Variants in TVP23C observed in about 807,000 individuals in gnomAD.
TVP23C encodes the protein trans-golgi network vesicle protein 23 homolog C, also known as Golgi apparatus membrane protein TVP23 homolog C.
A neutral mutation model predicts 28.7 loss-of-function variants in TVP23C; 19 were observed. That is an observed-to-expected ratio of 0.66 (90% confidence interval 0.46 to 0.97). The LOEUF is 0.97. TVP23C is among the 50% of genes least tolerant of loss of function. TVP23C has a pLI of 0.00. For synonymous variants in TVP23C, 68 were observed against 81.7 expected, an observed-to-expected ratio of 0.83 and a Z score of 0.90; for missense variants, 186 against 241.3, an observed-to-expected ratio of 0.77 and a Z score of 1.52.
chr17:15,521,667 A>G (rs1982486408), intron 5 of TVP23C, among the ~76,000 whole-genome samples: 1 of 152,250 alleles, frequency 6.6e-6, no homozygotes, highest in African/African-American at 2.4e-5. Flanking sequence ...ATTAATGTGA[A>G]AAGGACAGAT....
At chr17:15,556,602 G>A (rs1486207888) in intron 1 of TVP23C, among the ~76,000 whole-genome samples, 4 of 151,880 alleles carry the variant, frequency 2.6e-5, no homozygotes, top group Non-Finnish European at 4.4e-5. Flanking sequence ...TGATCCACCC[G>A]CCTCGGCCTC....
rs1172062695 is a variant in TVP23C at position 15,539,681 on chromosome 17, T to A, written c.*731A>T. The A allele has an allele frequency of 3.0e-6, 3 of 985,028 alleles. No homozygotes were observed. The highest frequency in any genetic ancestry group is 3.6e-6 in the Non-Finnish European group (3 of 829,874). 61.0% of individuals were successfully genotyped at this position (985,028 alleles called of 1,614,324 possible). On this transcript the variant is annotated 3_prime_UTR_variant, in exon 6 of 6. Coordinates refer to ENST00000518321, the MANE Select transcript of TVP23C (RefSeq NM_001135036.2). ...ATTATTTACCTATGACTACTACTCA[T>A]CCTGCTGAAAACCCTGATGTTGAGG...
At chr17:15,502,636 T>C in exon 6 of TVP23C, 1 of 704,348 alleles carries the variant, frequency 1.4e-6, no homozygotes, top group Non-Finnish European at 2.1e-6. Context: ...AGCGGACGCT[T>C]GCAGGGACCA....
At chr17:15,505,543 T>C (rs1301506556) in intron 5 of TVP23C, among the ~76,000 whole-genome samples, 1 of 152,130 alleles carries the variant, frequency 6.6e-6, no homozygotes, top group Non-Finnish European at 1.5e-5. Flanking sequence ...CTGGCAGTCC[T>C]CAGAGCCCCG....
At chr17:15,503,919 G>T (rs1245662187) in intron 5 of TVP23C, among the ~76,000 whole-genome samples, 1 of 152,100 alleles carries the variant, frequency 6.6e-6, no homozygotes, top group Non-Finnish European at 1.5e-5. Flanking sequence ...GGAATGGAAG[G>T]GCTGGGAAGG....
intron 5 of TVP23C, among the ~76,000 whole-genome samples, chr17:15,525,704 G>A (rs1378888641): frequency 6.6e-6 from 1 of 152,210 alleles, no homozygotes; most frequent in Non-Finnish European, 1.5e-5. Context: ...ATGCACGCGT[G>A]TGCATGCGCC....
At position 15,540,064 on chromosome 17, in the gene TVP23C, G is replaced by A; in HGVS notation, c.*348C>T. On this transcript the variant is annotated 3_prime_UTR_variant, in exon 6 of 6. Coordinates refer to ENST00000518321, the MANE Select transcript of TVP23C (RefSeq NM_001135036.2). ...GCCGAGATTGCACCACTGCACTCCA[G>A]CCTGGGCGACAGAGCAAAACTCTGT... The A allele has an allele frequency of 9.1e-7, 1 of 1,104,496 alleles. No individual in the cohort carries two copies. The highest frequency in any genetic ancestry group is 1.1e-6 in the Non-Finnish European group (1 of 902,398). The allele number at this position is 1,104,496 out of a possible 1,614,324, so 68.4% of individuals were successfully genotyped here.
intron 1 of TVP23C, among the ~76,000 whole-genome samples, chr17:15,559,269 G>C (rs1984270393): frequency 7.2e-6 from 1 of 138,466 alleles, no homozygotes; most frequent in East Asian, 2.1e-4. Flanking sequence ...AGTAAATACT[G>C]AGTGCCTACC....
At chr17:15,548,942 A>G (rs1344328215) in intron 3 of TVP23C, among the ~76,000 whole-genome samples, 1 of 152,248 alleles carries the variant, frequency 6.6e-6, no homozygotes, top group Non-Finnish European at 1.5e-5. Context: ...CTCTCCTCAC[A>G]CAGTATCTTA....
At chr17:15,557,104 C>A (rs1441645478) in intron 1 of TVP23C, among the ~76,000 whole-genome samples, 2 of 149,182 alleles carry the variant, frequency 1.3e-5, no homozygotes, top group Admixed American at 6.8e-5. Flanking sequence ...CACCAAATAC[C>A]AAATCATCCT....
chr17:15,538,906 C>T lies in TVP23C; in HGVS notation c.*1506G>A. On this transcript the variant is annotated 3_prime_UTR_variant, in exon 6 of 6. Coordinates refer to ENST00000518321, the MANE Select transcript of TVP23C (RefSeq NM_001135036.2). ...TCCTTCAGAATGAGATGATCATGTC[C>T]CTACATGAATATTCATTTTCTCTAC... 1 of 985,550 alleles carries T rather than the reference C, an allele frequency of 1.0e-6. No individual in the cohort carries two copies. Among genetic ancestry groups the T allele is most frequent in the Non-Finnish European group, 1.2e-6 (1 of 829,752 alleles). 61.1% of individuals were successfully genotyped at this position (985,550 alleles called of 1,614,324 possible). A position where few individuals can be genotyped will look rare whatever the true frequency, so the allele number is the denominator to read the frequency against.
intron 1 of TVP23C, among the ~76,000 whole-genome samples, chr17:15,555,893 A>G (rs1487308966): frequency 6.6e-6 from 1 of 151,930 alleles, no homozygotes; most frequent in Non-Finnish European, 1.5e-5. Context: ...ACTTTCTTCT[A>G]TCTTCAAGTC....
intron 1 of TVP23C, among the ~76,000 whole-genome samples, chr17:15,560,026 A>T (rs1410006535): frequency 6.7e-6 from 1 of 149,558 alleles, no homozygotes; most frequent in Admixed American, 6.7e-5. Context: ...AATGCTACTC[A>T]TAAGTAAGAT....
intron 5 of TVP23C, among the ~76,000 whole-genome samples, chr17:15,525,973 C>A (rs997376741): frequency 1.3e-5 from 2 of 152,202 alleles, no homozygotes; most frequent in Non-Finnish European, 2.9e-5. Flanking sequence ...TTAAGTATCT[C>A]ATGATATTTA....
chr17:15,548,815 T>C (rs1267175396), intron 3 of TVP23C, among the ~76,000 whole-genome samples: 1 of 152,236 alleles, frequency 6.6e-6, no homozygotes, highest in East Asian at 1.9e-4. Flanking sequence ...TTTTTTCCTA[T>C]AAGTACATAC....
At chr17:15,552,803 A>AT (rs903817979) in intron 3 of TVP23C, among the ~76,000 whole-genome samples, 7 of 152,008 alleles carry the variant, frequency 4.6e-5, no homozygotes, top group South Asian at 2.1e-4. Context: ...TCAGCCTTTG[A>AT]TTTTTTTCTC....
chr17:15,509,208 A>G lies in TVP23C; in HGVS notation c.463-5976T>C, dbSNP rs553748554. ...CAGCTCCCAGGGTTGTCCTCCAACCAGAGTAATAAACACAACCTCTAACAG... is the reference window on the plus strand; with the variant it reads ...CAGCTCCCAGGGTTGTCCTCCAACCGGAGTAATAAACACAACCTCTAACAG... On this transcript the variant is annotated intron_variant, in intron 5 of 5. Transcript: ENST00000225576. Among the ~76,000 whole-genome samples, 15 of 152,316 alleles carry G rather than the reference A, an allele frequency of 9.8e-5. No homozygotes were observed. The South Asian group carries it at 3.1e-3, about 32-fold the overall frequency.
At chr17:15,502,863 T>G in exon 6 of TVP23C, 1 of 1,577,830 alleles carries the variant, frequency 6.3e-7, no homozygotes, top group Non-Finnish European at 8.6e-7. Context: ...GTGGGTTGTT[T>G]TTAATGCATT....
rs576509217 is a variant in TVP23C at position 15,538,476 on chromosome 17, G to C, written c.*1936C>G. Reference sequence around the variant, plus strand: ...GTGGTGGCGGGCGCCTGCAATCCCAGCTACTCGGGAGGCTGAGGCAGAAGA... The same window carrying C: ...GTGGTGGCGGGCGCCTGCAATCCCACCTACTCGGGAGGCTGAGGCAGAAGA... On this transcript the variant is annotated 3_prime_UTR_variant, in exon 6 of 6. Transcript: ENST00000518321. 1 of 708,948 alleles carries C rather than the reference G, an allele frequency of 1.4e-6. No homozygotes were observed. Among genetic ancestry groups the C allele is most frequent in the Admixed American group, 6.3e-5 (1 of 15,904 alleles). 43.9% of individuals were successfully genotyped at this position (708,948 alleles called of 1,614,324 possible).
Sources: allele counts gnomAD v4.1 joint callset (sites outside exome capture counted in the v4.1 genomes callset), GRCh38; gene constraint gnomAD v4.1.1; transcripts MANE v1.5; gene names NCBI Gene and HGNC (gene_info 2026-07-23, HGNC 2026-07-21).